The following KATNB1 variants were observed in gnomAD, a reference collection of about 807,000 sequenced individuals.
The protein encoded by KATNB1 is katanin regulatory subunit B1.
In KATNB1, 38 loss-of-function variants were observed where a neutral mutation model predicts 82.3. That is an observed-to-expected ratio of 0.46 (90% CI 0.36 to 0.61). KATNB1 has a LOEUF of 0.61. Among genes scored for constraint, KATNB1 ranks in the 20% least tolerant of loss-of-function variants. KATNB1 has a pLI of 0.00. For missense variants in KATNB1, 749 were observed against 915.7 expected, an observed-to-expected ratio of 0.82 and a Z score of 2.35; for synonymous variants, 361 against 368.7, an observed-to-expected ratio of 0.98 and a Z score of 0.24.
At position 57,751,626 on chromosome 16, in the gene KATNB1, C is replaced by T. The variant is rs536677744; in HGVS notation, c.433-15C>T. 6.2e-6 allele frequency: 10 copies of T among 1,609,082 alleles called. No individual in the cohort carries two copies. The highest frequency in any genetic ancestry group is 3.3e-5 in the South Asian group (3 of 91,038). On this transcript the variant is annotated splice_polypyrimidine_tract_variant and intron_variant, in intron 6 of 19. Transcript: ENST00000379661. The surrounding 1 kb of genome is among the most constrained non-coding windows in gnomAD (Gnocchi z 6.3). ...CCAGGATCCCAGGGTGAGCTCATGC[C>T]GTGTCCTCCCTCAGGGGCACAGCCA...
intron 4 of KATNB1, among the ~76,000 whole-genome samples, chr16:57,744,848 C>T (rs1165271323): frequency 1.3e-5 from 2 of 152,016 alleles, no homozygotes; most frequent in African/African-American, 4.8e-5. Flanking sequence ...CCCTGCAGGT[C>T]ACATGAATGA....
chr16:57,748,971 G>A (rs890835580), intron 4 of KATNB1, among the ~76,000 whole-genome samples: 1 of 152,196 alleles, frequency 6.6e-6, no homozygotes, highest in African/African-American at 2.4e-5. Flanking sequence ...GCAATGCCCA[G>A]CCCCCAGCAG....
At position 57,737,114 on chromosome 16, in the gene KATNB1, C is replaced by T; in HGVS notation, c.-130C>T. ...CCCCAGGGCCAGAAGACGAGGCATTCTGTCTGCCTGGATGTGTGGGAACTC... is the reference window on the plus strand; with the variant it reads ...CCCCAGGGCCAGAAGACGAGGCATTTTGTCTGCCTGGATGTGTGGGAACTC... On this transcript the variant is annotated 5_prime_UTR_variant, in exon 2 of 20. Coordinates refer to ENST00000379661, the MANE Select transcript of KATNB1 (RefSeq NM_005886.3). The T allele has an allele frequency of 8.6e-7, 1 of 1,163,326 alleles. No individual in the cohort carries two copies. Among genetic ancestry groups the T allele is most frequent in the South Asian group, 1.3e-5 (1 of 77,702 alleles). 72.1% of individuals were successfully genotyped at this position (1,163,326 alleles called of 1,614,324 possible). A position where few individuals can be genotyped will look rare whatever the true frequency, so the allele number is the denominator to read the frequency against.
chr16:57,748,679 G>C (rs1257737602), intron 4 of KATNB1, among the ~76,000 whole-genome samples: 3 of 152,164 alleles, frequency 2.0e-5, no homozygotes, highest in African/African-American at 7.2e-5. Context: ...AGGCCTTCGT[G>C]GGACAGAAGA....
chr16:57,741,572 C>T lies in KATNB1; in HGVS notation c.41-115C>T. 3.5e-6 allele frequency: 4 copies of T among 1,128,726 alleles called. No individual in the cohort carries two copies. In the South Asian group the frequency reaches 5.8e-5, roughly 16 times the overall value. The allele number at this position is 1,128,726 out of a possible 1,614,324, so 69.9% of individuals were successfully genotyped here. ...ACACCAAAGGGGGAGCTGAAGGAGG[C>T]AGATCCTTCCACTGGGCTTCAGGTT... On this transcript the variant is annotated intron_variant, in intron 2 of 19. Transcript: ENST00000379661.
At chr16:57,738,620 C>T (rs2049120656) in intron 2 of KATNB1, among the ~76,000 whole-genome samples, 1 of 152,176 alleles carries the variant, frequency 6.6e-6, no homozygotes, top group African/African-American at 2.4e-5. Context: ...TTTGCAGGGC[C>T]TCTGTTTCCT....
chr16:57,738,500 C>T (rs542315851), intron 2 of KATNB1, among the ~76,000 whole-genome samples: 9 of 152,306 alleles, frequency 5.9e-5, no homozygotes, highest in South Asian at 4.1e-4. Flanking sequence ...AGGTGATCCA[C>T]GTGCCTCAGC....
At chr16:57,740,602 C>CT (rs1160602464) in intron 2 of KATNB1, among the ~76,000 whole-genome samples, 1 of 152,228 alleles carries the variant, frequency 6.6e-6, no homozygotes, top group Non-Finnish European at 1.5e-5. Flanking sequence ...GGAGAACTGT[C>CT]TTTTTTCTCC....
Position 57,753,923 on chromosome 16 carries a change from CA to C in KATNB1, c.1178-21del, listed in dbSNP as rs782473460. ...TGGCCTGGCCAGGAGCGCTCACAGC[CA>C]GGGGCCTCTTTCCTCTGCAGGTCGG... is the stretch of plus-strand genomic sequence containing the variant. On this transcript the variant is annotated intron_variant, in intron 12 of 19. Transcript: ENST00000379661. 4.3e-6 allele frequency: 7 copies of C among 1,612,938 alleles called. No individual in the cohort carries two copies. The East Asian group carries it at 1.6e-4, about 36-fold the overall frequency.
At chr16:57,756,108 GGA>G (rs1264895254) in intron 18 of KATNB1, 42 bp downstream of exon 18, 26 of 1,589,280 alleles carry the variant, frequency 1.6e-5, no homozygotes, top group Non-Finnish European at 2.1e-5. Flanking sequence ...CAGGGGGAGG[GGA>G]GAGGTAAGAA....
chr16:57,736,977 G>A lies in KATNB1; in HGVS notation c.-266-1G>A, dbSNP rs2049104870. 1.5e-6 allele frequency: 1 copy of A among 687,380 alleles called. No individual in the cohort carries two copies. Among genetic ancestry groups the A allele is most frequent in the African/African-American group, 1.8e-5 (1 of 57,084 alleles). 42.6% of individuals were successfully genotyped at this position (687,380 alleles called of 1,614,324 possible). A position where few individuals can be genotyped will look rare whatever the true frequency, so the allele number is the denominator to read the frequency against. ...GACGTCACCTCTTGTTTGTATTGCA[G>A]CCCTGTATTGAGCTGAGATGGCTCG... is the stretch of plus-strand genomic sequence containing the variant. On this transcript the variant is annotated splice_acceptor_variant, in intron 1 of 19. Coordinates refer to ENST00000379661, the MANE Select transcript of KATNB1 (RefSeq NM_005886.3). LOFTEE classifies it low-confidence loss of function (5UTR_SPLICE).
In KATNB1 at chr16:57,752,901, C is replaced by T. The variant is rs782792691; in HGVS notation, c.828C>T (p.Ala276=). 53 of 1,605,394 alleles carry T rather than the reference C, an allele frequency of 3.3e-5. No individual in the cohort carries two copies. The highest frequency in any genetic ancestry group is 2.7e-4 in the South Asian group (25 of 91,002). ...DVVLVNWGKV[A]DLAICNDQLI... ...TCCTCGTCAACTGGGGCAAGGTGGCCGACCTGGCCATCTGCAATGACCAGT... is the reference window on the plus strand; with the variant it reads ...TCCTCGTCAACTGGGGCAAGGTGGCTGACCTGGCCATCTGCAATGACCAGT... Residue 276 remains alanine (A), a synonymous_variant, in exon 10 of 20, where the codon GCC becomes GCT. Transcript: ENST00000379661.
chr16:57,738,028 A>G (rs1403445807), intron 2 of KATNB1, among the ~76,000 whole-genome samples: 3 of 152,216 alleles, frequency 2.0e-5, no homozygotes, highest in African/African-American at 7.2e-5. Context: ...GGCAGATGCC[A>G]TCTTAGTGTT....
In KATNB1 at chr16:57,743,430, G is replaced by T. The variant is rs1417058073; in HGVS notation, c.172-964G>T. On this transcript the variant is annotated intron_variant, in intron 3 of 19. Coordinates refer to ENST00000379661, the MANE Select transcript of KATNB1 (RefSeq NM_005886.3). ...AAGGGTGCCAGGGGTCAGTAATGAT[G>T]AATTGAATTGTTTTGTTTTACTTTG... is the stretch of plus-strand genomic sequence containing the variant. Among the ~76,000 whole-genome samples the T allele has an allele frequency of 7.2e-5, 11 of 152,348 alleles. No homozygotes were observed. The East Asian group carries it at 1.2e-3, about 16-fold the overall frequency.
At position 57,737,019 on chromosome 16, in the gene KATNB1, A is replaced by G; in HGVS notation, c.-225A>G. On this transcript the variant is annotated 5_prime_UTR_variant, in exon 2 of 20. Transcript: ENST00000379661. ...GATGGCTCGAGCCTAACATTCCATG[A>G]TCCAGGATCGTGACAGATGTGCACA... is the stretch of plus-strand genomic sequence containing the variant. The G allele has an allele frequency of 1.4e-6, 1 of 700,812 alleles. No individual in the cohort carries two copies. The highest frequency in any genetic ancestry group is 1.5e-5 in the South Asian group (1 of 66,762). 43.4% of individuals were successfully genotyped at this position (700,812 alleles called of 1,614,324 possible).
chr16:57,753,346 C>T (rs782749135), intron 11 of KATNB1, 43 bp from the exon 12 acceptor site: 113 of 1,592,332 alleles, frequency 7.1e-5, no homozygotes, highest in Middle Eastern at 1.7e-4. Context: ...CCCTGGGCCT[C>T]ACAGGGCACC....
Position 57,755,779 on chromosome 16 carries a change from C to A in KATNB1, c.1567-62C>A, listed in dbSNP as rs1555585863. ...ACATTCACGTTCGTACCCCCACCCTCACCCTCACAGGGCCACACTGTCCCC... is the reference window on the plus strand; with the variant it reads ...ACATTCACGTTCGTACCCCCACCCTAACCCTCACAGGGCCACACTGTCCCC... On this transcript the variant is annotated intron_variant, in intron 16 of 19. Coordinates refer to ENST00000379661, the MANE Select transcript of KATNB1 (RefSeq NM_005886.3). 2.7e-6 allele frequency: 4 copies of A among 1,488,524 alleles called. No individual in the cohort carries two copies. In the African/African-American group the frequency reaches 4.2e-5, roughly 16 times the overall value. 92.2% of individuals were successfully genotyped at this position (1,488,524 alleles called of 1,614,324 possible). A position where few individuals can be genotyped will look rare whatever the true frequency, so the allele number is the denominator to read the frequency against.
intron 2 of KATNB1, among the ~76,000 whole-genome samples, chr16:57,740,335 G>T (rs1224057320): frequency 6.6e-6 from 1 of 152,202 alleles, no homozygotes; most frequent in African/African-American, 2.4e-5. Context: ...CCTGCGACTT[G>T]TCCCCTGGGT....
rs1393974328 is a variant in KATNB1 at position 57,751,532 on chromosome 16, C to T, written c.433-109C>T. On this transcript the variant is annotated intron_variant, in intron 6 of 19. Coordinates refer to ENST00000379661, the MANE Select transcript of KATNB1 (RefSeq NM_005886.3). This position sits in a 1 kb window ranked among gnomAD's most constrained non-coding sequence, Gnocchi z 6.3. ...TCAAACTGCTCCAAGCAGAACCAGGCGGGTAACCAGTGTTGTTAGATGGAA... is the reference window on the plus strand; with the variant it reads ...TCAAACTGCTCCAAGCAGAACCAGGTGGGTAACCAGTGTTGTTAGATGGAA... 10 of 1,103,150 alleles carry T rather than the reference C, an allele frequency of 9.1e-6. No homozygotes were observed. The highest frequency in any genetic ancestry group is 6.1e-5 in the African/African-American group (4 of 65,240). 68.3% of individuals were successfully genotyped at this position (1,103,150 alleles called of 1,614,324 possible). A position where few individuals can be genotyped will look rare whatever the true frequency, so the allele number is the denominator to read the frequency against.
Sources: allele counts gnomAD v4.1 joint callset (sites outside exome capture counted in the v4.1 genomes callset), GRCh38; gene constraint gnomAD v4.1.1; non-coding constraint Gnocchi (gnomAD v3.1); transcripts MANE v1.5; gene names NCBI Gene and HGNC (gene_info 2026-07-23, HGNC 2026-07-21).